The following FAM53A variants were observed in gnomAD, a reference collection of about 807,000 sequenced individuals.
FAM53A encodes protein FAM53A.
In FAM53A, 28 loss-of-function variants were observed where a neutral mutation model predicts 26.6. That is an observed-to-expected ratio of 1.05 (90% CI 0.78 to 1.45). The LOEUF is 1.45. FAM53A is among the 40% of genes most tolerant of loss of function. The probability of loss-of-function intolerance (pLI) is 0.00; values close to 1 mark genes in which losing one functional copy is unlikely to be tolerated. For synonymous variants in FAM53A, 290 were observed against 253.1 expected, an observed-to-expected ratio of 1.15 and a Z score of -1.38; for missense variants, 650 against 575.8, an observed-to-expected ratio of 1.13 and a Z score of -1.32.
At chr4:1,682,475 A>G (rs978143313) in intron 1 of FAM53A, among the ~76,000 whole-genome samples, 1 of 152,006 alleles carries the variant, frequency 6.6e-6, no homozygotes, top group African/African-American at 2.4e-5. Flanking sequence ...GTTGGCCAGG[A>G]TGGTCTCGAT....
chr4:1,670,104 G>A (rs757387810), intron 1 of FAM53A, among the ~76,000 whole-genome samples: 3 of 152,028 alleles, frequency 2.0e-5, no homozygotes, highest in Admixed American at 6.5e-5. Context: ...CAGAAGGACC[G>A]CCCGGCCACG....
intron 1 of FAM53A, among the ~76,000 whole-genome samples, chr4:1,623,709 C>T (rs1372136334): frequency 6.6e-6 from 1 of 152,270 alleles, no homozygotes; most frequent in Admixed American, 6.5e-5. Flanking sequence ...CATAACTCAG[C>T]CTGCGGAGGA....
At chr4:1,578,505 G>A in the FAM53A span, among the ~76,000 whole-genome samples, 2 of 151,942 alleles carry the variant, frequency 1.3e-5, no homozygotes, top group African/African-American at 4.8e-5. Context: ...TGTGGGGGTA[G>A]GAGGTGAGGG....
the FAM53A span, among the ~76,000 whole-genome samples, chr4:1,589,244 A>C: frequency 1.3e-5 from 2 of 152,196 alleles, no homozygotes; most frequent in African/African-American, 4.8e-5. Context: ...ATAATCATGC[A>C]ATTCTTCCCC....
At chr4:1,628,677 G>A (rs1285548870) in intron 1 of FAM53A, among the ~76,000 whole-genome samples, 1 of 47,698 alleles carries the variant, frequency 2.1e-5, no homozygotes, top group Non-Finnish European at 4.1e-5. Flanking sequence ...AGGGTGGCAC[G>A]GGAAGAGTGG....
chr4:1,616,193 A>G (rs111332302), downstream of FAM53A, among the ~76,000 whole-genome samples: 8 of 152,354 alleles, frequency 5.3e-5, no homozygotes, highest in African/African-American at 1.7e-4. Context: ...AAAATCAAAC[A>G]CAAAATAAAA....
chr4:1,645,035 C>G (rs1035797658), intron 4 of FAM53A: 1 of 152,426 alleles, frequency 6.6e-6, no homozygotes, highest in Admixed American at 6.5e-5. Context: ...AGGGTCCCCT[C>G]ACAGCCAAGG....
the FAM53A span, among the ~76,000 whole-genome samples, chr4:1,608,666 C>T: frequency 6.6e-6 from 1 of 152,098 alleles, no homozygotes; most frequent in South Asian, 2.1e-4. Flanking sequence ...TGCTTAGTAA[C>T]GGCTCCGGCA....
intron 4 of FAM53A, among the ~76,000 whole-genome samples, chr4:1,645,483 G>C (rs933839511): frequency 2.0e-5 from 3 of 152,192 alleles, no homozygotes; most frequent in Non-Finnish European, 4.4e-5. Context: ...CAACCTGCTC[G>C]GGCTGTGAGG....
intron 1 of FAM53A, among the ~76,000 whole-genome samples, chr4:1,674,858 A>G (rs1447547695): frequency 6.6e-6 from 1 of 152,148 alleles, no homozygotes; most frequent in Non-Finnish European, 1.5e-5. Flanking sequence ...ACGAGGCATG[A>G]TGGACAGCAA....
At chr4:1,583,171 AGCAAAATCATGTTCTCTGGGAGG>A in the FAM53A span, among the ~76,000 whole-genome samples, 1 of 152,324 alleles carries the variant, frequency 6.6e-6, no homozygotes, top group African/African-American at 2.4e-5. Flanking sequence ...CCAGAGACCC[AGCAAAATCATGTTCTCTGGGAGG>A]GCCAGAGGCT....
intron 1 of FAM53A, among the ~76,000 whole-genome samples, chr4:1,631,603 C>A (rs781520043): frequency 6.6e-6 from 1 of 152,126 alleles, no homozygotes; most frequent in Non-Finnish European, 1.5e-5. Flanking sequence ...GTGCACTGGG[C>A]AGCCTCTGAG....
At chr4:1,574,958 G>A in the FAM53A span, among the ~76,000 whole-genome samples, 8 of 152,254 alleles carry the variant, frequency 5.3e-5, no homozygotes, top group Admixed American at 2.0e-4. Context: ...TGTGCCAGGT[G>A]GATGAGTGAC....
At chr4:1,662,394 T>C (rs1713899207) in intron 2 of FAM53A, among the ~76,000 whole-genome samples, 1 of 146,018 alleles carries the variant, frequency 6.8e-6, no homozygotes, top group Admixed American at 7.2e-5. Flanking sequence ...CAGAAGACTC[T>C]CTCGAACCCA....
At chr4:1,652,625 A>T (rs980765988) in intron 4 of FAM53A, among the ~76,000 whole-genome samples, 1 of 144,992 alleles carries the variant, frequency 6.9e-6, no homozygotes, top group Non-Finnish European at 1.5e-5. Context: ...ACACACACAC[A>T]CCAGACACAC....
chr4:1,607,055 A>G, the FAM53A span, among the ~76,000 whole-genome samples: 1 of 152,054 alleles, frequency 6.6e-6, no homozygotes, highest in Non-Finnish European at 1.5e-5. Context: ...GTCTCACTCT[A>G]TCACCCAGGC....
At chr4:1,623,080 C>T (rs1280410287) in intron 1 of FAM53A, among the ~76,000 whole-genome samples, 2 of 152,242 alleles carry the variant, frequency 1.3e-5, no homozygotes, top group Non-Finnish European at 2.9e-5. Flanking sequence ...GGCTCTGTGC[C>T]TCCCACTGTG....
chr4:1,622,682 G>A (rs1284573744), intron 1 of FAM53A, among the ~76,000 whole-genome samples: 3 of 152,342 alleles, frequency 2.0e-5, no homozygotes, highest in African/African-American at 7.2e-5. Flanking sequence ...GCTCGCTCGG[G>A]GAGGGAGGTC....
At chr4:1,619,117 C>T (rs1392040451) in intron 1 of FAM53A, among the ~76,000 whole-genome samples, 4 of 152,202 alleles carry the variant, frequency 2.6e-5, no homozygotes, top group African/African-American at 9.6e-5. Flanking sequence ...CAAAGACAGG[C>T]AGGCTCTGGG....
Sources: allele counts gnomAD v4.1 joint callset (sites outside exome capture counted in the v4.1 genomes callset), GRCh38; gene constraint gnomAD v4.1.1; transcripts MANE v1.5; gene names NCBI Gene and HGNC (gene_info 2026-07-23, HGNC 2026-07-21).